The following RPTOR variants were observed in gnomAD, a reference collection of about 807,000 sequenced individuals.
The protein encoded by RPTOR is regulatory associated protein of MTOR complex 1.
A neutral mutation model predicts 169.9 loss-of-function variants in RPTOR; 21 were observed. The observed-to-expected ratio is 0.12, with a 90% CI of 0.09 to 0.18. RPTOR has a LOEUF of 0.18. Ranked by LOEUF, RPTOR falls within the 10% of genes least tolerant of loss-of-function variation. RPTOR has a pLI of 1.00. For synonymous variants in RPTOR, 732 were observed against 753.2 expected, an observed-to-expected ratio of 0.97 and a Z score of 0.46; for missense variants, 1,133 against 1,855.9, an observed-to-expected ratio of 0.61 and a Z score of 7.16.
chr17:80,553,504 G>A (rs560339877), intron 1 of RPTOR, among the ~76,000 whole-genome samples: 2 of 152,350 alleles, frequency 1.3e-5, no homozygotes, highest in East Asian at 3.9e-4. Context: ...GAGCCTGGCA[G>A]CTTCCCAAGA....
At chr17:80,859,438 A>G (rs778772540) in intron 13 of RPTOR, among the ~76,000 whole-genome samples, 1 of 152,188 alleles carries the variant, frequency 6.6e-6, no homozygotes, top group Non-Finnish European at 1.5e-5. Context: ...TTTCCCAGAG[A>G]TGCCTTTGCC....
chr17:80,900,867 G>A (rs1208218134), intron 20 of RPTOR, among the ~76,000 whole-genome samples: 5 of 152,252 alleles, frequency 3.3e-5, no homozygotes, highest in Non-Finnish European at 4.4e-5. Context: ...AGGCAGTGTG[G>A]CGCTGGGTCA....
At chr17:80,593,017 G>A (rs564349451) in intron 1 of RPTOR, among the ~76,000 whole-genome samples, 169 of 152,292 alleles carry the variant, frequency 1.1e-3, no homozygotes, top group Middle Eastern at 6.8e-3. Flanking sequence ...CCTTCTGCAC[G>A]TGTTTTTACC....
In RPTOR at chr17:80,803,163, A is replaced by G. The variant is rs2067179833; in HGVS notation, c.890+11654A>G. The stretch of plus-strand genomic sequence containing the variant: ...CGTGGCTGCAGACTTGCAATCGGTG[A>G]TAAAGCAGTGTGGCGTGAGGCGCCA... On this transcript the variant is annotated intron_variant, in intron 7 of 33. Coordinates refer to ENST00000306801, the MANE Select transcript of RPTOR (RefSeq NM_020761.3). This position sits in a 1 kb window ranked among gnomAD's most constrained non-coding sequence, Gnocchi z 6.2. 1 of 152,304 alleles carries G rather than the reference A, an allele frequency of 6.6e-6. No individual in the cohort carries two copies. Among genetic ancestry groups the G allele is most frequent in the Admixed American group, 6.5e-5 (1 of 15,298 alleles). 9.4% of individuals were successfully genotyped at this position (152,304 alleles called of 1,614,324 possible).
intron 13 of RPTOR, among the ~76,000 whole-genome samples, chr17:80,872,129 C>T (rs540241263): frequency 6.6e-6 from 1 of 152,290 alleles, no homozygotes; most frequent in East Asian, 1.9e-4. Context: ...GTGAAGCTGG[C>T]GTCTTCCACA....
rs34955105 is a variant in RPTOR, at chr17:80,958,405, CT to C, written c.3477+698del. Among the ~76,000 whole-genome samples, 210 of 83,638 alleles carry C rather than the reference CT, an allele frequency of 2.5e-3. 1 individual carries two copies. The highest frequency in any genetic ancestry group is 6.1e-3 in the African/African-American group (115 of 18,934). The allele number at this position is 83,638 out of a possible 152,430, so 54.9% of individuals were successfully genotyped here. ...TACAGAAGACAGAAGATTTTTGTTT[CT>C]TTTTTTTTTTTTTTTTTTTTTTGAG... On this transcript the variant is annotated intron_variant, in intron 29 of 33. Transcript: ENST00000306801.
chr17:80,777,965 C>CG (rs1266847399), intron 6 of RPTOR, among the ~76,000 whole-genome samples: 1 of 152,148 alleles, frequency 6.6e-6, no homozygotes, highest in East Asian at 1.9e-4. Flanking sequence ...TTCTGTGTAG[C>CG]GAGCATCCGT....
chr17:80,584,892 G>A (rs2065045972), intron 1 of RPTOR, among the ~76,000 whole-genome samples: 1 of 152,144 alleles, frequency 6.6e-6, no homozygotes, highest in Admixed American at 6.5e-5. Flanking sequence ...GGTATTCACT[G>A]GCAAGATGTT....
At chr17:80,594,614 G>C (rs546947587) in intron 1 of RPTOR, among the ~76,000 whole-genome samples, 3 of 152,238 alleles carry the variant, frequency 2.0e-5, no homozygotes, top group African/African-American at 7.2e-5. Context: ...TGTGCTCTGT[G>C]TGTGAAGAAG....
At chr17:80,704,323 A>G (rs1222709863) in intron 3 of RPTOR, among the ~76,000 whole-genome samples, 1 of 152,154 alleles carries the variant, frequency 6.6e-6, no homozygotes, top group East Asian at 1.9e-4. Flanking sequence ...GGTGTGTTGT[A>G]TGGGATCAGC....
At chr17:80,547,018 G>A (rs1214821928) in intron 1 of RPTOR, among the ~76,000 whole-genome samples, 4 of 152,150 alleles carry the variant, frequency 2.6e-5, no homozygotes, top group South Asian at 2.1e-4. Flanking sequence ...GCAGTGAGCC[G>A]AAATCGCACC....
chr17:80,922,963 G>A, intron 22 of RPTOR, 136 bp downstream of exon 22: 2 of 698,038 alleles, frequency 2.9e-6, no homozygotes, highest in Admixed American at 2.8e-5. Flanking sequence ...CCTCTCCAGC[G>A]GGCGTTCTTT....
chr17:80,752,041 G>C (rs2066635886), intron 5 of RPTOR, among the ~76,000 whole-genome samples: 1 of 152,212 alleles, frequency 6.6e-6, no homozygotes. Flanking sequence ...GGTATGATCG[G>C]CATTTTTGGG....
chr17:80,609,527 T>C lies in RPTOR; in HGVS notation c.163-16164T>C, dbSNP rs1262207199. On this transcript the variant is annotated intron_variant, in intron 1 of 33. Coordinates refer to ENST00000306801, the MANE Select transcript of RPTOR (RefSeq NM_020761.3). This position sits in a 1 kb window ranked among gnomAD's most constrained non-coding sequence, Gnocchi z 4.8. ...TTGGGAGGCTGAGGTGGGCAGATTA[T>C]TTGAAGTCATAGTTCGAGACCAGCC... is the stretch of plus-strand genomic sequence containing the variant. 3.3e-5 allele frequency among the ~76,000 whole-genome samples: 5 copies of C among 152,160 alleles called. No homozygotes were observed. Among genetic ancestry groups the C allele is most frequent in the Non-Finnish European group, 7.4e-5 (5 of 68,026 alleles).
intron 2 of RPTOR, among the ~76,000 whole-genome samples, chr17:80,632,294 C>CAAG (rs1314692036): frequency 6.6e-6 from 1 of 152,234 alleles, no homozygotes; most frequent in East Asian, 1.9e-4. Flanking sequence ...GCTTTTCGAA[C>CAAG]AAGCCTTCCT....
intron 13 of RPTOR, among the ~76,000 whole-genome samples, chr17:80,863,457 A>G (rs1024987766): frequency 6.6e-6 from 1 of 152,266 alleles, no homozygotes; most frequent in Non-Finnish European, 1.5e-5. Flanking sequence ...TTAGCAGGCC[A>G]GGACATTAAA....
intron 3 of RPTOR, among the ~76,000 whole-genome samples, chr17:80,692,215 C>T (rs4889885): frequency 0.18 from 26,739 of 152,030 alleles, 3,761 homozygotes; most frequent in African/African-American, 0.39. Context: ...GGGCTCAAGC[C>T]ATCCTCCCAC....
At chr17:80,877,047 G>A (rs1047484908) in intron 13 of RPTOR, among the ~76,000 whole-genome samples, 3 of 128,410 alleles carry the variant, frequency 2.3e-5, no homozygotes, top group South Asian at 2.7e-4. Context: ...TGCCGCCCAG[G>A]ATGTGTGTGT....
At chr17:80,579,570 C>T (rs770939262) in intron 1 of RPTOR, among the ~76,000 whole-genome samples, 9 of 152,212 alleles carry the variant, frequency 5.9e-5, no homozygotes, top group Non-Finnish European at 1.3e-4. Context: ...GCCCACGTCA[C>T]GATGGCTGGA....
Sources: gnomAD v4.1 joint callset for allele counts (sites outside exome capture counted in the v4.1 genomes callset) on GRCh38, gnomAD v4.1.1 for gene constraint, Gnocchi (gnomAD v3.1) non-coding constraint, MANE v1.5 for transcripts, NCBI Gene and HGNC (gene_info 2026-07-23, HGNC 2026-07-21) for gene names.